The following NFIX variants were observed in gnomAD, a reference collection of about 807,000 sequenced individuals.
NFIX encodes the protein nuclear factor I X, also known as nuclear factor 1 X-type.
Under a neutral mutation model 53.3 loss-of-function variants are expected in NFIX, and 2 were observed. The observed-to-expected ratio is 0.04, with a 90% CI of 0.02 to 0.12. The LOEUF is 0.12. Ranked by LOEUF, NFIX falls within the 10% of genes least tolerant of loss-of-function variation. NFIX has a pLI of 1.00. For synonymous variants in NFIX, 244 were observed against 289.0 expected, an observed-to-expected ratio of 0.84 and a Z score of 1.58; for missense variants, 310 against 674.5, an observed-to-expected ratio of 0.46 and a Z score of 5.99.
Position 13,012,308 on chromosome 19 carries a change from T to C in NFIX, c.28-12713T>C, listed in dbSNP as rs1316895165. 6.6e-5 allele frequency: 10 copies of C among 152,340 alleles called. No individual in the cohort carries two copies. The East Asian group carries it at 1.7e-3, about 27-fold the overall frequency. 9.4% of individuals were successfully genotyped at this position (152,340 alleles called of 1,614,324 possible). A position where few individuals can be genotyped will look rare whatever the true frequency, so the allele number is the denominator to read the frequency against. On this transcript the variant is annotated intron_variant, in intron 1 of 10. Transcript: ENST00000592199. This position sits in a 1 kb window ranked among gnomAD's most constrained non-coding sequence, Gnocchi z 5.0. ...AGCATAGGTCTGGCTTTCGACCGTT[T>C]GTGCCGCCAGAGTCTTCTCAATGAT... is the stretch of plus-strand genomic sequence containing the variant.
In NFIX at chr19:13,036,500, G is replaced by A. The variant is rs1453004192; in HGVS notation, c.559+10948G>A. ...AGAAGGCTGCTCTCCAGACAGCTGA[G>A]AGTAGGGTGACACCTGGTGACTCTT... On this transcript the variant is annotated intron_variant, in intron 2 of 10. Coordinates refer to ENST00000592199, the MANE Select transcript of NFIX (RefSeq NM_001365902.3). The surrounding 1 kb of genome is among the most constrained non-coding windows in gnomAD (Gnocchi z 4.7). 6.6e-6 allele frequency among the ~76,000 whole-genome samples: 1 copy of A among 152,108 alleles called. No homozygotes were observed. Among genetic ancestry groups the A allele is most frequent in the Non-Finnish European group, 1.5e-5 (1 of 68,024 alleles).
chr19:13,031,784 A>T (rs1017951486), intron 2 of NFIX, among the ~76,000 whole-genome samples: 1 of 152,162 alleles, frequency 6.6e-6, no homozygotes, highest in Non-Finnish European at 1.5e-5. Flanking sequence ...CTAGTGTTAC[A>T]GAGACCTGGG....
intron 8 of NFIX, among the ~76,000 whole-genome samples, 192 bp from the exon 9 acceptor site, chr19:13,087,797 A>AAG (rs2017874374): frequency 6.7e-6 from 1 of 149,810 alleles, no homozygotes; most frequent in African/African-American, 2.5e-5. Flanking sequence ...AAAAAAAAAA[A>AAG]AGAGAAACAC....
At chr19:13,075,697 A>G (rs757149148) in intron 6 of NFIX, 26 bp downstream of exon 6, 10 of 1,607,624 alleles carry the variant, frequency 6.2e-6, no homozygotes, top group South Asian at 2.2e-5. Flanking sequence ...ATCCTGACCC[A>G]GAGCAAGGGC....
At position 13,067,667 on chromosome 19, in the gene NFIX, T is replaced by C. The variant is rs969894009; in HGVS notation, c.560-5380T>C. 6.6e-6 allele frequency among the ~76,000 whole-genome samples: 1 copy of C among 152,056 alleles called. No individual in the cohort carries two copies. Among genetic ancestry groups the C allele is most frequent in the Non-Finnish European group, 1.5e-5 (1 of 68,018 alleles). On this transcript the variant is annotated intron_variant, in intron 2 of 10. Transcript: ENST00000592199. This position sits in a 1 kb window ranked among gnomAD's most constrained non-coding sequence, Gnocchi z 4.2. ...CCGTGGGGGCAATTGGCCAGCAAAT[T>C]ATACATGGCCCCTTTCACAGTACAA...
rs2012490008 is a variant in NFIX, at chr19:13,013,502, ACC to A, written c.28-11517_28-11516del. On this transcript the variant is annotated intron_variant, in intron 1 of 10. Coordinates refer to ENST00000592199, the MANE Select transcript of NFIX (RefSeq NM_001365902.3). This position sits in a 1 kb window ranked among gnomAD's most constrained non-coding sequence, Gnocchi z 5.9. ...CGCTGCAGCTGCGCCCGGGGAGGTGACCCTGGGGCAGCGGCTGACCCTGCTGC... is the reference window on the plus strand; with the variant it reads ...CGCTGCAGCTGCGCCCGGGGAGGTGACTGGGGCAGCGGCTGACCCTGCTGC... 6.6e-6 allele frequency among the ~76,000 whole-genome samples: 1 copy of A among 151,896 alleles called. No individual in the cohort carries two copies. Among genetic ancestry groups the A allele is most frequent in the Non-Finnish European group, 1.5e-5 (1 of 67,986 alleles).
chr19:13,080,181 T>G (rs1471235723), intron 7 of NFIX, among the ~76,000 whole-genome samples: 1 of 152,118 alleles, frequency 6.6e-6, no homozygotes, highest in African/African-American at 2.4e-5. Context: ...ATAAATAATA[T>G]TTTAATGGAA....
At chr19:13,050,907 C>T (rs1047667725) in intron 2 of NFIX, among the ~76,000 whole-genome samples, 5 of 152,206 alleles carry the variant, frequency 3.3e-5, no homozygotes, top group Admixed American at 2.0e-4. Flanking sequence ...GGCTGAGTAG[C>T]CTGCAGACAG....
In NFIX at chr19:13,025,654, C is replaced by A; in HGVS notation, c.559+102C>A. On this transcript the variant is annotated intron_variant, in intron 2 of 10. Transcript: ENST00000592199. This position sits in a 1 kb window ranked among gnomAD's most constrained non-coding sequence, Gnocchi z 7.5. ...TTTCCAAGCGATAACTCGCCATGGG[C>A]CTAACTGGTGTATGCCCGTCCTGCG... The A allele has an allele frequency of 7.3e-7, 1 of 1,376,062 alleles. No individual in the cohort carries two copies. The highest frequency in any genetic ancestry group is 9.9e-7 in the Non-Finnish European group (1 of 1,011,480). 85.2% of individuals were successfully genotyped at this position (1,376,062 alleles called of 1,614,324 possible).
rs1198137669 is a variant in NFIX, at chr19:12,996,860, C to G, written c.27+996C>G. The stretch of plus-strand genomic sequence containing the variant: ...CGGCGCACGGCTGCGGCAAAAGCTT[C>G]GAGGATGCCTGTCGGGCCACCCAAC... On this transcript the variant is annotated intron_variant, in intron 1 of 10. Transcript: ENST00000592199. The surrounding 1 kb of genome is among the most constrained non-coding windows in gnomAD (Gnocchi z 5.2). 6.6e-6 allele frequency among the ~76,000 whole-genome samples: 1 copy of G among 152,286 alleles called. No homozygotes were observed.
At chr19:13,038,756 C>G (rs916547170) in intron 2 of NFIX, among the ~76,000 whole-genome samples, 17 of 152,198 alleles carry the variant, frequency 1.1e-4, no homozygotes, top group African/African-American at 4.1e-4. Context: ...ATCGTTTCTG[C>G]TGGCCTCGGA....
At chr19:13,019,658 C>G (rs998555192) in intron 1 of NFIX, among the ~76,000 whole-genome samples, 1 of 150,442 alleles carries the variant, frequency 6.6e-6, no homozygotes, top group Non-Finnish European at 1.5e-5. Context: ...CTAGTGATGG[C>G]TGAAACTGGC....
At position 13,013,790 on chromosome 19, in the gene NFIX, C is replaced by T. The variant is rs1308114890; in HGVS notation, c.28-11231C>T. 1 of 152,168 alleles carries T rather than the reference C, an allele frequency of 6.6e-6. No homozygotes were observed. The highest frequency in any genetic ancestry group is 2.1e-4 in the South Asian group (1 of 4,832). 9.4% of individuals were successfully genotyped at this position (152,168 alleles called of 1,614,324 possible). A position where few individuals can be genotyped will look rare whatever the true frequency, so the allele number is the denominator to read the frequency against. ...GACGCTTCGTGGAGCTGGCGAGCCT[C>T]GCCTGTCCCGCGACTGAGCTTGCGG... On this transcript the variant is annotated intron_variant, in intron 1 of 10. Transcript: ENST00000592199. This position sits in a 1 kb window ranked among gnomAD's most constrained non-coding sequence, Gnocchi z 5.9.
In NFIX at chr19:13,088,786, C is replaced by T. The variant is rs1310174133; in HGVS notation, c.1402+650C>T. On this transcript the variant is annotated intron_variant, in intron 9 of 10. Coordinates refer to ENST00000592199, the MANE Select transcript of NFIX (RefSeq NM_001365902.3). The surrounding 1 kb of genome is among the most constrained non-coding windows in gnomAD (Gnocchi z 5.9). ...TTTCCCAGGTTAGATGTTCCAAGGA[C>T]GAGGGAGGGCTGTGGGCTTTGGCTT... Among the ~76,000 whole-genome samples, 2 of 152,112 alleles carry T rather than the reference C, an allele frequency of 1.3e-5. No individual in the cohort carries two copies. The highest frequency in any genetic ancestry group is 2.1e-4 in the South Asian group (1 of 4,826).
In NFIX at chr19:13,068,933, C is replaced by T. The variant is rs530639937; in HGVS notation, c.560-4114C>T. ...TGAGCTGTGGGCTCTGAGATACTCT[C>T]CCTCCCCTAGCCTGGCCCAGAAACC... On this transcript the variant is annotated intron_variant, in intron 2 of 10. Coordinates refer to ENST00000592199, the MANE Select transcript of NFIX (RefSeq NM_001365902.3). This position sits in a 1 kb window ranked among gnomAD's most constrained non-coding sequence, Gnocchi z 4.2. Among the ~76,000 whole-genome samples the T allele has an allele frequency of 2.0e-5, 3 of 152,332 alleles. No individual in the cohort carries two copies. The East Asian group carries it at 5.8e-4, about 29-fold the overall frequency.
At chr19:13,018,670 G>A (rs1246682895) in intron 1 of NFIX, among the ~76,000 whole-genome samples, 1 of 152,228 alleles carries the variant, frequency 6.6e-6, no homozygotes, top group Admixed American at 6.5e-5. Flanking sequence ...CCCTCCTCTA[G>A]GATAAGCAGC....
At chr19:13,077,486 G>A (rs1288557620) in intron 6 of NFIX, among the ~76,000 whole-genome samples, 1 of 152,170 alleles carries the variant, frequency 6.6e-6, no homozygotes, top group Non-Finnish European at 1.5e-5. Flanking sequence ...ACAGCTGGTA[G>A]GATGCTCCCC....
intron 2 of NFIX, among the ~76,000 whole-genome samples, chr19:13,032,056 G>A (rs2013853706): frequency 6.6e-6 from 1 of 152,160 alleles, no homozygotes; most frequent in African/African-American, 2.4e-5. Context: ...CTTTTCAAAG[G>A]CCCCAGCCGT....
intron 5 of NFIX, among the ~76,000 whole-genome samples, chr19:13,074,906 A>T (rs2016989121): frequency 6.6e-6 from 1 of 151,200 alleles, no homozygotes; most frequent in Admixed American, 6.6e-5. Flanking sequence ...CATCTCTACT[A>T]AAAAATACAA....
Sources: gnomAD v4.1 joint callset for allele counts (sites outside exome capture counted in the v4.1 genomes callset) on GRCh38, gnomAD v4.1.1 for gene constraint, Gnocchi (gnomAD v3.1) non-coding constraint, MANE v1.5 for transcripts, NCBI Gene and HGNC (gene_info 2026-07-23, HGNC 2026-07-21) for gene names.